Variants in LHX8 observed in about 807,000 individuals in gnomAD.
The protein encoded by LHX8 is LIM homeobox 8.
A neutral mutation model predicts 40.3 loss-of-function variants in LHX8; 12 were observed. The ratio of observed to expected loss-of-function variants is 0.30; its 90% confidence interval spans 0.19 to 0.48. The LOEUF is 0.48. Ranked by LOEUF, LHX8 falls within the 20% of genes least tolerant of loss-of-function variation. LHX8 has a pLI of 0.99. For missense variants in LHX8, 344 were observed against 433.7 expected (o/e 0.79, Z 1.84); for synonymous variants, 179 against 162.0 (o/e 1.10, Z -0.80).
chr1:75,143,691 T>C (rs1478898262), intron 5 of LHX8, among the ~76,000 whole-genome samples, 154 bp from the exon 6 acceptor site: 1 of 152,198 alleles, frequency 6.6e-6, no homozygotes, highest in East Asian at 1.9e-4. Flanking sequence ...TTTTGTACAG[T>C]ATATCTGTAG....
intron 7 of LHX8, among the ~76,000 whole-genome samples, chr1:75,151,532 G>T (rs1648611941): frequency 6.6e-6 from 1 of 152,132 alleles, no homozygotes; most frequent in Non-Finnish European, 1.5e-5. Context: ...TTTGTGAAAG[G>T]CTTCCCTGCA....
chr1:75,191,807 G>T, the LHX8 span, among the ~76,000 whole-genome samples: 1 of 152,204 alleles, frequency 6.6e-6, no homozygotes, highest in Non-Finnish European at 1.5e-5. Context: ...GCCAGTGTTA[G>T]ATCAAAATTG....
chr1:75,141,813 T>C (rs936705007), intron 4 of LHX8, among the ~76,000 whole-genome samples: 4 of 152,180 alleles, frequency 2.6e-5, no homozygotes, highest in African/African-American at 9.6e-5. Context: ...TACAACATAT[T>C]TTCTTTATTT....
chr1:75,130,423 G>A (rs1647931566), upstream of LHX8: 2 of 542,572 alleles, frequency 3.7e-6, no homozygotes, highest in Non-Finnish European at 6.6e-6. Flanking sequence ...GGAATGCCGC[G>A]GGGCGGGTGG....
chr1:75,129,381 A>G (rs1647904115), intron 1 of LHX8, among the ~76,000 whole-genome samples: 1 of 152,220 alleles, frequency 6.6e-6, no homozygotes, highest in Non-Finnish European at 1.5e-5. Flanking sequence ...TGTAGCAGAA[A>G]TGGCATATAG....
At chr1:75,134,329 C>T (rs552183232), upstream of LHX8, among the ~76,000 whole-genome samples, 3 of 152,118 alleles carry the variant, frequency 2.0e-5, no homozygotes, top group East Asian at 3.9e-4. Context: ...TTAGGTTCCA[C>T]CCTCTGGAAA....
chr1:75,136,466 C>G, intron 1 of LHX8, 137 bp from the exon 2 acceptor site: 1 of 547,548 alleles, frequency 1.8e-6, no homozygotes, highest in South Asian at 2.8e-5. Flanking sequence ...CGGGCTCAGG[C>G]GCCGTGACGG....
At chr1:75,165,834 A>C (rs928984863), downstream of LHX8, among the ~76,000 whole-genome samples, 1 of 152,208 alleles carries the variant, frequency 6.6e-6, no homozygotes, top group African/African-American at 2.4e-5. Context: ...CAAATATCTT[A>C]TATACCTGTG....
At chr1:75,184,107 G>A in the LHX8 span, among the ~76,000 whole-genome samples, 1 of 152,188 alleles carries the variant, frequency 6.6e-6, no homozygotes, top group African/African-American at 2.4e-5. Context: ...ACCCAAAACA[G>A]AAGCACCCAG....
At chr1:75,153,168 C>T (rs1648655898) in intron 7 of LHX8, among the ~76,000 whole-genome samples, 1 of 151,948 alleles carries the variant, frequency 6.6e-6, no homozygotes, top group Admixed American at 6.6e-5. Flanking sequence ...TGCAGTGGCA[C>T]GATCTCAGCT....
chr1:75,197,411 G>A, the LHX8 span, among the ~76,000 whole-genome samples: 3 of 152,056 alleles, frequency 2.0e-5, no homozygotes, highest in South Asian at 2.1e-4. Flanking sequence ...GATTTGATTC[G>A]ATTTGATTAA....
downstream of LHX8, among the ~76,000 whole-genome samples, chr1:75,163,415 C>T (rs577088584): frequency 2.0e-5 from 3 of 152,202 alleles, no homozygotes; most frequent in East Asian, 5.8e-4. Context: ...AGTAATGTTT[C>T]TATTTTATTA....
At chr1:75,137,642 T>G (rs1208838750) in intron 3 of LHX8, among the ~76,000 whole-genome samples, 1 of 152,136 alleles carries the variant, frequency 6.6e-6, no homozygotes, top group Non-Finnish European at 1.5e-5. Flanking sequence ...TTAAACATCT[T>G]TGTTCCCTCT....
chr1:75,142,252 A>G (rs1223095245), intron 4 of LHX8, among the ~76,000 whole-genome samples: 2 of 152,104 alleles, frequency 1.3e-5, no homozygotes, highest in African/African-American at 4.8e-5. Flanking sequence ...TCTATTTTTC[A>G]GAGTAACTAA....
At chr1:75,150,121 C>T (rs1290420056) in intron 7 of LHX8, among the ~76,000 whole-genome samples, 1 of 152,046 alleles carries the variant, frequency 6.6e-6, no homozygotes, top group Non-Finnish European at 1.5e-5. Flanking sequence ...ACCTGCAGTC[C>T]CAGCTACTTG....
intron 3 of LHX8, among the ~76,000 whole-genome samples, chr1:75,139,012 C>T (rs1257253756): frequency 6.6e-6 from 1 of 151,736 alleles, no homozygotes; most frequent in African/African-American, 2.4e-5. Context: ...TTGAGTACTT[C>T]CTGCAGAAAA....
chr1:75,193,540 C>T, the LHX8 span, among the ~76,000 whole-genome samples: 1 of 152,142 alleles, frequency 6.6e-6, no homozygotes, highest in Non-Finnish European at 1.5e-5. Flanking sequence ...TAATGAGAGC[C>T]CCAGAATCCA....
upstream of LHX8, chr1:75,132,481 G>A (rs977107642): frequency 1.3e-5 from 2 of 152,172 alleles, no homozygotes; most frequent in Non-Finnish European, 2.9e-5. Flanking sequence ...CCTGTCTGAC[G>A]ACCATTCTTC....
In LHX8 at chr1:75,156,990, C is replaced by G. The variant is rs909327356; in HGVS notation, c.878C>G (p.Ser293Cys). The change falls in exon 8 of 9, where the codon TCT (serine) becomes TGT (cysteine). Residue 293 changes from serine to cysteine, a missense_variant. Ser to Cys is a moderately radical substitution (Grantham distance 112, BLOSUM62 -1). This residue lies in a region of LHX8 where 89 missense variants were observed against 92.8 expected (regional missense o/e 0.96). Coordinates refer to ENST00000356261, the MANE Select transcript of LHX8 (RefSeq NM_001256114.2). ...PVTAVPPSRL[S>C]PPMLEEMAYS... Reference sequence around the variant, plus strand: ...ACAGCAGTCCCACCCTCCAGGCTGTCTCCACCCATGTTAGAAGAAATGGCT... The same window carrying G: ...ACAGCAGTCCCACCCTCCAGGCTGTGTCCACCCATGTTAGAAGAAATGGCT... 6 of 1,614,068 alleles carry G rather than the reference C, an allele frequency of 3.7e-6. No homozygotes were observed. The African/African-American group carries it at 8.0e-5, about 22-fold the overall frequency.
Sources: gnomAD v4.1 joint callset for allele counts (sites outside exome capture counted in the v4.1 genomes callset) on GRCh38, gnomAD v4.1.1 for gene constraint, gnomAD v4.1.1 regional missense constraint, MANE v1.5 for transcripts, NCBI Gene and HGNC (gene_info 2026-07-23, HGNC 2026-07-21) for gene names.